Variants in DNAH3 observed in about 807,000 individuals in gnomAD.
DNAH3 encodes axonemal beta dynein heavy chain 3.
DNAH3 carries 332 observed loss-of-function variants against 432.5 expected under a neutral mutation model. The ratio of observed to expected loss-of-function variants is 0.77; its 90% CI spans 0.70 to 0.84. DNAH3 has a LOEUF of 0.84. Ranked by LOEUF, DNAH3 falls within the 40% of genes least tolerant of loss-of-function variation. DNAH3 has a pLI of 0.00. For missense variants in DNAH3, 4,861 were observed against 5,114.0 expected (o/e 0.95, Z 1.51); for synonymous variants, 1,956 against 1,900.2 (o/e 1.03, Z -0.76).
rs761057977 is a variant in DNAH3 at position 20,941,355 on chromosome 16, C to T, written c.11654+46G>A. The T allele has an allele frequency of 1.4e-5, 22 of 1,610,410 alleles. 1 individual carries two copies. The South Asian group carries it at 2.0e-4, about 15-fold the overall frequency. On this transcript the variant is annotated intron_variant, in intron 59 of 61. Coordinates refer to ENST00000261383, the Ensembl canonical transcript of DNAH3. ...CAGCTACTGCCTGTTAGATCCTACTCCTCACGTTCCAACTCCCAGGATTCA... is the reference window on the plus strand; with the variant it reads ...CAGCTACTGCCTGTTAGATCCTACTTCTCACGTTCCAACTCCCAGGATTCA...
intron 47 of DNAH3, among the ~76,000 whole-genome samples, chr16:20,986,891 G>A (rs988424059): frequency 6.6e-6 from 1 of 152,140 alleles, no homozygotes; most frequent in East Asian, 1.9e-4. Context: ...TTCTTATATG[G>A]AAATGGAAAA....
intron 26 of DNAH3, 77 bp downstream of exon 26, chr16:21,060,187 C>T: frequency 8.2e-7 from 1 of 1,218,678 alleles, no homozygotes; most frequent in Admixed American, 1.7e-5. Context: ...AGCCAAACTA[C>T]TGACACATGA....
chr16:21,140,247 C>A, intron 5 of DNAH3: 1 of 244,890 alleles, frequency 4.1e-6, no homozygotes, highest in Non-Finnish European at 7.8e-6. Context: ...AATCTGGCAC[C>A]CCCAGCCTAT....
intron 44 of DNAH3, among the ~76,000 whole-genome samples, chr16:20,989,621 C>A (rs2152678777): frequency 6.6e-6 from 1 of 152,390 alleles, no homozygotes; most frequent in Admixed American, 6.5e-5. Context: ...GAGCTGCCTG[C>A]CAGTCCCGGG....
At chr16:20,957,442 C>T (rs958520941) in intron 54 of DNAH3, among the ~76,000 whole-genome samples, 2 of 152,078 alleles carry the variant, frequency 1.3e-5, no homozygotes, top group Non-Finnish European at 2.9e-5. Context: ...AGTTAGCTTG[C>T]AAGCTATACA....
chr16:20,997,835 TAAA>T (rs765854199), intron 43 of DNAH3, among the ~76,000 whole-genome samples: 2 of 74,552 alleles, frequency 2.7e-5, no homozygotes, highest in Admixed American at 1.7e-4. Context: ...CCTGTCTCCA[TAAA>T]AAAAAAAAAA....
chr16:20,939,083 A>G (rs2083706477), intron 59 of DNAH3, among the ~76,000 whole-genome samples: 1 of 152,004 alleles, frequency 6.6e-6, no homozygotes, highest in Non-Finnish European at 1.5e-5. Flanking sequence ...TCCTTTATAG[A>G]ATGCCCAGTG....
intron 52 of DNAH3, among the ~76,000 whole-genome samples, chr16:20,966,078 C>T (rs1486977604): frequency 1.8e-5 from 2 of 111,544 alleles, no homozygotes; most frequent in Non-Finnish European, 3.4e-5. Context: ...ACTTTTGCTG[C>T]CCAGGCTGGA....
chr16:21,119,116 A>G (rs2092276800), intron 11 of DNAH3, among the ~76,000 whole-genome samples: 2 of 152,216 alleles, frequency 1.3e-5, no homozygotes, highest in Admixed American at 6.5e-5. Context: ...GCCAAAGGCA[A>G]CGAGATGGAG....
At chr16:21,114,432 T>C (rs963642161) in intron 12 of DNAH3, among the ~76,000 whole-genome samples, 1 of 152,088 alleles carries the variant, frequency 6.6e-6, no homozygotes. Flanking sequence ...ATAAAGATGA[T>C]AGTGAGTAAG....
Position 20,987,248 on chromosome 16 carries a change from C to T in DNAH3, c.7026+57G>A, listed in dbSNP as rs561487601. On this transcript the variant is annotated intron_variant, in intron 47 of 61. Transcript: ENST00000261383. ...AAGGGAACCTGAAATCTGAAAGTAACGTGGTTAAACACTTGGAACCATTTC... is the reference window on the plus strand; with the variant it reads ...AAGGGAACCTGAAATCTGAAAGTAATGTGGTTAAACACTTGGAACCATTTC... The T allele has an allele frequency of 3.8e-4, 610 of 1,592,686 alleles. 11 individuals carry two copies. In the South Asian group the frequency reaches 6.2e-3, roughly 16 times the overall value.
chr16:20,981,734 A>G (rs1041231236), intron 49 of DNAH3, among the ~76,000 whole-genome samples: 50 of 151,894 alleles, frequency 3.3e-4, no homozygotes, highest in African/African-American at 1.2e-3. Context: ...CAAAATAAAT[A>G]GATAAATAAA....
intron 40 of DNAH3, among the ~76,000 whole-genome samples, chr16:21,020,591 C>A (rs954661035): frequency 6.8e-6 from 1 of 147,740 alleles, no homozygotes; most frequent in Admixed American, 6.8e-5. Context: ...TTAGTAGAGA[C>A]GGGGTTTTAC....
intron 12 of DNAH3, among the ~76,000 whole-genome samples, chr16:21,115,585 T>A (rs1209741797): frequency 1.3e-5 from 2 of 151,786 alleles, no homozygotes; most frequent in African/African-American, 4.8e-5. Context: ...CACATGCCTG[T>A]AGTCCCAACT....
exon 1 of DNAH3, chr16:21,159,339 C>T (rs377138172): frequency 8.7e-6 from 14 of 1,613,976 alleles, no homozygotes; most frequent in Non-Finnish European, 1.2e-5. Flanking sequence ...ATTTCACTCC[C>T]TTCCTCCTCT....
chr16:21,141,437 G>T, intron 3 of DNAH3, 65 bp from the exon 5 acceptor site: 1 of 1,203,636 alleles, frequency 8.3e-7, no homozygotes, highest in Non-Finnish European at 1.2e-6. Flanking sequence ...TCCGTCCACA[G>T]GGGCATGACT....
chr16:21,095,069 C>T (rs1269394726), intron 18 of DNAH3, among the ~76,000 whole-genome samples: 1 of 152,140 alleles, frequency 6.6e-6, no homozygotes, highest in African/African-American at 2.4e-5. Flanking sequence ...TGGACTAATA[C>T]ACTGATGAAG....
intron 54 of DNAH3, among the ~76,000 whole-genome samples, chr16:20,956,705 G>GT (rs2084580862): frequency 6.6e-6 from 1 of 151,940 alleles, no homozygotes; most frequent in East Asian, 1.9e-4. Context: ...ACGCTTTTAG[G>GT]TTTTTTTGTT....
At chr16:21,096,395 G>A (rs1310778783) in intron 18 of DNAH3, among the ~76,000 whole-genome samples, 3 of 152,056 alleles carry the variant, frequency 2.0e-5, no homozygotes, top group Non-Finnish European at 4.4e-5. Flanking sequence ...GCCTCTCAAA[G>A]TGCTGGGACT....
Sources: allele counts gnomAD v4.1 joint callset (sites outside exome capture counted in the v4.1 genomes callset), GRCh38; gene constraint gnomAD v4.1.1; transcripts MANE v1.5; gene names NCBI Gene and HGNC (gene_info 2026-07-23, HGNC 2026-07-21).